Variants in MGAM2 observed in about 807,000 individuals in gnomAD.
The protein encoded by MGAM2 is maltase-glucoamylase 2 (putative), also known as probable maltase-glucoamylase 2.
Under a neutral mutation model 96.1 loss-of-function variants are expected in MGAM2, and 98 were observed. The observed-to-expected ratio is 1.02, with a 90% CI of 0.87 to 1.21. MGAM2 has a LOEUF of 1.21. Ranked by LOEUF, MGAM2 falls within the 50% of genes most tolerant of loss-of-function variation. The pLI is 0.00. For missense variants in MGAM2, 2,055 were observed against 1,182.4 expected (o/e 1.74, Z -10.82); for synonymous variants, 749 against 414.8 (o/e 1.81, Z -9.79).
chr7:142,140,783 G>T lies in MGAM2; in HGVS notation c.1087-19G>T. 1.4e-6 allele frequency: 1 copy of T among 699,870 alleles called. No individual in the cohort carries two copies. Among genetic ancestry groups the T allele is most frequent in the South Asian group, 1.5e-5 (1 of 66,554 alleles). The allele number at this position is 699,870 out of a possible 1,614,324, so 43.4% of individuals were successfully genotyped here. A position where few individuals can be genotyped will look rare whatever the true frequency, so the allele number is the denominator to read the frequency against. Reference sequence around the variant, plus strand: ...CAGTGCTGTTTCCTAGGTTCTGATTGACCAGAGCTCTCTTTCAGGATGTCC... The same window carrying T: ...CAGTGCTGTTTCCTAGGTTCTGATTTACCAGAGCTCTCTTTCAGGATGTCC... On this transcript the variant is annotated intron_variant, in intron 10 of 47. Coordinates refer to ENST00000477922, the MANE Select transcript of MGAM2 (RefSeq NM_001293626.2).
intron 15 of MGAM2, among the ~76,000 whole-genome samples, chr7:142,151,967 A>G (rs1051010895): frequency 1.3e-5 from 2 of 152,194 alleles, no homozygotes; most frequent in Non-Finnish European, 2.9e-5. Context: ...ATTTGGCTCA[A>G]CCTTAAATGG....
chr7:142,217,707 A>C (rs1797808099), intron 46 of MGAM2, among the ~76,000 whole-genome samples: 2 of 152,194 alleles, frequency 1.3e-5, no homozygotes. Context: ...TTGCTAACAT[A>C]CTAGGGTGAT....
intron 23 of MGAM2, among the ~76,000 whole-genome samples, chr7:142,163,790 G>A (rs1206602477): frequency 1.3e-5 from 2 of 152,048 alleles, no homozygotes; most frequent in Non-Finnish European, 2.9e-5. Flanking sequence ...TTTCTGATTG[G>A]TGTGTAGTTA....
chr7:142,178,686 T>G (rs563262106), intron 32 of MGAM2, among the ~76,000 whole-genome samples: 1 of 152,028 alleles, frequency 6.6e-6, no homozygotes, highest in South Asian at 2.1e-4. Context: ...TAGTATACGT[T>G]GAGGTTGGGT....
At position 142,127,424 on chromosome 7, in the gene MGAM2, CT is replaced by C. The variant is rs369769059; in HGVS notation, c.187-3521del. ...TTAAAGTTTTTTTCATAACACTTCTCTTTGGTTGTTTTCTTTTGTAATTCAG... is the reference window on the plus strand; with the variant it reads ...TTAAAGTTTTTTTCATAACACTTCTCTTGGTTGTTTTCTTTTGTAATTCAG... On this transcript the variant is annotated intron_variant, in intron 3 of 47. Coordinates refer to ENST00000477922, the MANE Select transcript of MGAM2 (RefSeq NM_001293626.2). Among the ~76,000 whole-genome samples, 267 of 151,958 alleles carry C rather than the reference CT, an allele frequency of 1.8e-3. 1 individual carries two copies. Among genetic ancestry groups the C allele is most frequent in the African/African-American group, 5.8e-3 (241 of 41,442 alleles).
rs183955628 is a variant in MGAM2, at chr7:142,157,590, C to T, written c.1924-347C>T. 2.0e-5 allele frequency among the ~76,000 whole-genome samples: 3 copies of T among 152,238 alleles called. No homozygotes were observed. In the East Asian group the frequency reaches 5.8e-4, roughly 29 times the overall value. On this transcript the variant is annotated intron_variant, in intron 17 of 47. Coordinates refer to ENST00000477922, the MANE Select transcript of MGAM2 (RefSeq NM_001293626.2). ...TATTTTTAGTAGAGACAGGATTTCA[C>T]CATGTTGGCCAGGATGGTCTCCATC...
intron 3 of MGAM2, among the ~76,000 whole-genome samples, chr7:142,120,650 A>G (rs1489190670): frequency 6.6e-6 from 1 of 152,176 alleles, no homozygotes; most frequent in African/African-American, 2.4e-5. Context: ...TACTAAATGT[A>G]CCTTAGGTGT....
chr7:142,147,633 G>A, intron 15 of MGAM2, 60 bp downstream of exon 15: 1 of 653,612 alleles, frequency 1.5e-6, no homozygotes, highest in Non-Finnish European at 2.7e-6. Context: ...GGAGGTGGAG[G>A]TTTTTCTTCT....
At chr7:142,122,569 C>T (rs1037870675) in intron 3 of MGAM2, among the ~76,000 whole-genome samples, 1 of 152,186 alleles carries the variant, frequency 6.6e-6, no homozygotes, top group African/African-American at 2.4e-5. Context: ...GATTTATCTC[C>T]ACCTTAGTTT....
intron 3 of MGAM2, among the ~76,000 whole-genome samples, chr7:142,126,918 C>A (rs1794747649): frequency 6.6e-6 from 1 of 152,132 alleles, no homozygotes; most frequent in South Asian, 2.1e-4. Context: ...TCCCAAAATG[C>A]ATATTCACAT....
chr7:142,123,272 A>G (rs1794640469), intron 3 of MGAM2, among the ~76,000 whole-genome samples: 1 of 151,812 alleles, frequency 6.6e-6, no homozygotes. Context: ...TTTGCATCAA[A>G]TTTTTGGGTA....
At chr7:142,149,266 G>A (rs78217770) in intron 15 of MGAM2, among the ~76,000 whole-genome samples, 6 of 151,754 alleles carry the variant, frequency 4.0e-5, no homozygotes, top group Non-Finnish European at 7.4e-5. Context: ...TCTGCCTGGT[G>A]CCTCTGCTCT....
intron 2 of MGAM2, among the ~76,000 whole-genome samples, chr7:142,117,270 G>A (rs7788775): frequency 0.27 from 40,270 of 151,870 alleles, 5,569 homozygotes; most frequent in East Asian, 0.37. Context: ...TCATGAAGTC[G>A]TACTGCCTTC....
Position 142,148,587 on chromosome 7 carries a change from CTG to C in MGAM2, c.1634+1018_1634+1019del, listed in dbSNP as rs1795459367. 6.6e-6 allele frequency among the ~76,000 whole-genome samples: 1 copy of C among 152,244 alleles called. No individual in the cohort carries two copies. Among genetic ancestry groups the C allele is most frequent in the Non-Finnish European group, 1.5e-5 (1 of 68,046 alleles). On this transcript the variant is annotated intron_variant, in intron 15 of 47. Transcript: ENST00000477922. The surrounding 1 kb of genome is among the most constrained non-coding windows in gnomAD (Gnocchi z 4.2). ...AATTGAGAAATAACTCCTCTTCTCA[CTG>C]TGTAGTTTCTTCTGTGGAAGATGGT...
At chr7:142,185,485 T>G (rs543936637) in intron 34 of MGAM2, among the ~76,000 whole-genome samples, 41 of 152,290 alleles carry the variant, frequency 2.7e-4, no homozygotes, top group Middle Eastern at 3.4e-3. Context: ...TTTAATAAAT[T>G]ATCTGCATAC....
At chr7:142,215,209 C>T (rs980027132) in intron 46 of MGAM2, among the ~76,000 whole-genome samples, 12 of 152,086 alleles carry the variant, frequency 7.9e-5, no homozygotes, top group African/African-American at 2.2e-4. Context: ...GAACAGAAAA[C>T]CAAACACTGC....
intron 46 of MGAM2, among the ~76,000 whole-genome samples, chr7:142,210,393 C>T (rs1167982137): frequency 1.3e-5 from 2 of 152,052 alleles, no homozygotes; most frequent in Non-Finnish European, 2.9e-5. Context: ...TGCCCTTGCT[C>T]AGCGGATCCC....
chr7:142,163,465 A>ATTT, intron 23 of MGAM2, among the ~76,000 whole-genome samples: 1 of 152,204 alleles, frequency 6.6e-6, no homozygotes, highest in Non-Finnish European at 1.5e-5. Context: ...TATTTTTAGT[A>ATTT]CAGATGAGGT....
At chr7:142,165,975 G>A in intron 24 of MGAM2, 123 bp from the exon 25 acceptor site, 1 of 568,104 alleles carries the variant, frequency 1.8e-6, no homozygotes. Flanking sequence ...AATATCTCAT[G>A]GCAAAATGGT....
Sources: allele counts gnomAD v4.1 joint callset (sites outside exome capture counted in the v4.1 genomes callset), GRCh38; gene constraint gnomAD v4.1.1; non-coding constraint Gnocchi (gnomAD v3.1); transcripts MANE v1.5; gene names NCBI Gene and HGNC (gene_info 2026-07-23, HGNC 2026-07-21).